Variants in CFAP77 observed in about 807,000 individuals in gnomAD.
CFAP77 encodes cilia and flagella associated protein 77.
A neutral mutation model predicts 31.1 loss-of-function variants in CFAP77; 25 were observed. The observed-to-expected ratio is 0.80, with a 90% CI of 0.59 to 1.12. CFAP77 has a LOEUF of 1.12. Among genes scored for constraint, CFAP77 ranks in the 50% most tolerant of loss-of-function variants. The probability of loss-of-function intolerance (pLI) is 0.00; values close to 1 mark genes in which losing one functional copy is unlikely to be tolerated. For missense variants in CFAP77, 377 were observed against 397.3 expected, an observed-to-expected ratio of 0.95 and a Z score of 0.44; for synonymous variants, 151 against 159.9, an observed-to-expected ratio of 0.94 and a Z score of 0.42.
intron 3 of CFAP77, among the ~76,000 whole-genome samples, chr9:132,500,293 T>C (rs1851820605): frequency 6.6e-6 from 1 of 152,010 alleles, no homozygotes; most frequent in African/African-American, 2.4e-5. Flanking sequence ...ACTCTGGCCA[T>C]AACTGGCCAT....
intron 5 of CFAP77, among the ~76,000 whole-genome samples, chr9:132,566,891 C>T (rs748974422): frequency 2.6e-5 from 4 of 152,302 alleles, no homozygotes; most frequent in East Asian, 1.9e-4. Flanking sequence ...CCTTGCTGGC[C>T]GCTGGAGGCC....
At chr9:132,470,940 T>C (rs1851243069) in intron 1 of CFAP77, among the ~76,000 whole-genome samples, 1 of 152,250 alleles carries the variant, frequency 6.6e-6, no homozygotes, top group Admixed American at 6.5e-5. Flanking sequence ...ATCGGGCCAC[T>C]GCACTCCAGC....
At chr9:132,522,110 G>A (rs1335854014) in intron 3 of CFAP77, among the ~76,000 whole-genome samples, 2 of 152,144 alleles carry the variant, frequency 1.3e-5, no homozygotes, top group East Asian at 3.9e-4. Context: ...AGGAGCAGGG[G>A]GCCAGGGGAT....
intron 1 of CFAP77, among the ~76,000 whole-genome samples, chr9:132,475,149 G>A (rs486908): frequency 0.032 from 4,803 of 152,252 alleles, 258 homozygotes; most frequent in African/African-American, 0.1. Context: ...TGCATTAACC[G>A]AGCCTGAGGT....
chr9:132,414,691 AAGCAG>A (rs1564195989), intron 1 of CFAP77, among the ~76,000 whole-genome samples: 1 of 152,100 alleles, frequency 6.6e-6, no homozygotes, highest in Non-Finnish European at 1.5e-5. Context: ...AAAAGTGAAA[AAGCAG>A]AGTTGGGAAA....
rs532809747 is a variant in CFAP77 at position 132,485,129 on chromosome 9, TGTGTTCATTGTATAACTA to T, written c.196-13563_196-13546del. On this transcript the variant is annotated intron_variant, in intron 1 of 5. Coordinates refer to ENST00000393216, the MANE Select transcript of CFAP77 (RefSeq NM_001282957.2). Reference sequence around the variant, plus strand: ...ACTTTTTGAGGAACCATCAAGCAGATGTGTTCATTGTATAACTAGTTCTCTATTCATACAAATGGAGAC... The same window carrying T: ...ACTTTTTGAGGAACCATCAAGCAGATGTTCTCTATTCATACAAATGGAGAC... Among the ~76,000 whole-genome samples, 3 of 152,334 alleles carry T rather than the reference TGTGTTCATTGTATAACTA, an allele frequency of 2.0e-5. No homozygotes were observed. In the South Asian group the frequency reaches 6.2e-4, roughly 32 times the overall value.
intron 5 of CFAP77, among the ~76,000 whole-genome samples, chr9:132,555,418 T>G (rs1356990453): frequency 1.3e-5 from 2 of 152,194 alleles, no homozygotes; most frequent in African/African-American, 4.8e-5. Flanking sequence ...CAGCCTATAT[T>G]AATGAGCAAT....
chr9:132,431,480 T>C (rs13300322), intron 1 of CFAP77, among the ~76,000 whole-genome samples: 3,294 of 152,304 alleles, frequency 0.022, 48 homozygotes, highest in Non-Finnish European at 0.033. Flanking sequence ...GTGGATGCTA[T>C]GACTGCGCTT....
chr9:132,507,408 C>T (rs1245199369), intron 3 of CFAP77, among the ~76,000 whole-genome samples: 1 of 152,200 alleles, frequency 6.6e-6, no homozygotes, highest in Non-Finnish European at 1.5e-5. Flanking sequence ...AGAAAGCCTT[C>T]AGACCATGGA....
intron 3 of CFAP77, among the ~76,000 whole-genome samples, chr9:132,529,664 A>C (rs147512227): frequency 0.014 from 2,061 of 151,898 alleles, 44 homozygotes; most frequent in African/African-American, 0.047. Flanking sequence ...GTCTCTACTA[A>C]AAATGCAAAA....
chr9:132,423,149 A>G (rs985885864), intron 1 of CFAP77, among the ~76,000 whole-genome samples: 4 of 152,232 alleles, frequency 2.6e-5, no homozygotes, highest in Non-Finnish European at 5.9e-5. Context: ...GGGGGCATAA[A>G]TTCGGAGGTT....
intron 1 of CFAP77, among the ~76,000 whole-genome samples, chr9:132,474,392 G>A (rs560187330): frequency 3.3e-5 from 5 of 152,238 alleles, no homozygotes; most frequent in Admixed American, 6.5e-5. Flanking sequence ...CTGCGACTCC[G>A]GATCCCTTCA....
intron 1 of CFAP77, among the ~76,000 whole-genome samples, chr9:132,422,159 C>G (rs147709930): frequency 6.6e-6 from 1 of 152,206 alleles, no homozygotes; most frequent in Non-Finnish European, 1.5e-5. Flanking sequence ...CAGGCTCACA[C>G]GACCATGCCC....
chr9:132,479,589 G>C (rs1272718566), intron 1 of CFAP77, among the ~76,000 whole-genome samples: 1 of 152,222 alleles, frequency 6.6e-6, no homozygotes, highest in Admixed American at 6.5e-5. Context: ...GCTCCTCCGA[G>C]TGGCTGGAGG....
At chr9:132,466,938 G>A (rs1391509508) in intron 1 of CFAP77, among the ~76,000 whole-genome samples, 2 of 152,326 alleles carry the variant, frequency 1.3e-5, no homozygotes, top group East Asian at 3.9e-4. Context: ...AGCACTTTGG[G>A]AGGCCGAGGC....
intron 3 of CFAP77, among the ~76,000 whole-genome samples, chr9:132,518,928 C>T (rs558955139): frequency 2.6e-5 from 4 of 152,324 alleles, no homozygotes; most frequent in East Asian, 1.9e-4. Flanking sequence ...ATGACTACTG[C>T]GTGGTCTTGA....
chr9:132,571,318 C>T (rs1829956531), intron 5 of CFAP77, among the ~76,000 whole-genome samples: 1 of 152,174 alleles, frequency 6.6e-6, no homozygotes, highest in South Asian at 2.1e-4. Flanking sequence ...GGGCCAGCAG[C>T]CACGCTACCC....
chr9:132,525,606 C>T (rs1049962407), intron 3 of CFAP77, among the ~76,000 whole-genome samples: 1 of 152,144 alleles, frequency 6.6e-6, no homozygotes, highest in African/African-American at 2.4e-5. Context: ...ATGCCCTCAT[C>T]TGCATGTGGG....
At chr9:132,436,446 A>G (rs534603983) in intron 1 of CFAP77, among the ~76,000 whole-genome samples, 12 of 152,336 alleles carry the variant, frequency 7.9e-5, no homozygotes, top group African/African-American at 2.6e-4. Flanking sequence ...GGTCACATTC[A>G]CAGGTTCTGG....
Sources: allele counts gnomAD v4.1 joint callset (sites outside exome capture counted in the v4.1 genomes callset), GRCh38; gene constraint gnomAD v4.1.1; transcripts MANE v1.5; gene names NCBI Gene and HGNC (gene_info 2026-07-23, HGNC 2026-07-21).